Variants in FAM124B observed in about 807,000 individuals in gnomAD.
The protein encoded by FAM124B is protein FAM124B.
FAM124B carries 18 observed loss-of-function variants against 19.7 expected under a neutral mutation model. The ratio of observed to expected loss-of-function variants is 0.92; its 90% confidence interval spans 0.63 to 1.36. FAM124B has a LOEUF of 1.36. Ranked by LOEUF, FAM124B falls within the 40% of genes most tolerant of loss-of-function variation. FAM124B has a pLI of 0.00. For missense variants in FAM124B, 540 were observed against 553.3 expected (o/e 0.98, Z 0.24); for synonymous variants, 223 against 225.2 (o/e 0.99, Z 0.09).
intron 1 of FAM124B, chr2:224,400,481 G>C: frequency 2.9e-6 from 2 of 696,158 alleles, no homozygotes; most frequent in Non-Finnish European, 5.2e-6. Context: ...ACTCGAGTCT[G>C]GGCAACAGAG....
chr2:224,397,212 T>C lies in FAM124B; in HGVS notation c.732+3825A>G, dbSNP rs1217700713. 2.0e-5 allele frequency among the ~76,000 whole-genome samples: 3 copies of C among 152,276 alleles called. No homozygotes were observed. In the East Asian group the frequency reaches 5.8e-4, roughly 29 times the overall value. On this transcript the variant is annotated intron_variant, in intron 1 of 1. Transcript: ENST00000409685. Reference sequence around the variant, plus strand: ...GGTCTTTCCTGTGCTGTTCTCGTGATAGAGAATGAGTCTCATGAGATCTGA... The same window carrying C: ...GGTCTTTCCTGTGCTGTTCTCGTGACAGAGAATGAGTCTCATGAGATCTGA...
intron 1 of FAM124B, among the ~76,000 whole-genome samples, chr2:224,388,718 G>A (rs1267630010): frequency 6.6e-6 from 1 of 152,172 alleles, no homozygotes; most frequent in Non-Finnish European, 1.5e-5. Context: ...GATGGTAAAT[G>A]TATTGTTATG....
intron 1 of FAM124B, among the ~76,000 whole-genome samples, chr2:224,394,886 G>A (rs1689945674): frequency 6.6e-6 from 1 of 152,164 alleles, no homozygotes. Context: ...GCCTGGTACT[G>A]CAGGCGCTTG....
intron 1 of FAM124B, 41 bp downstream of exon 1, chr2:224,400,996 C>T (rs1358031405): frequency 7.8e-6 from 12 of 1,544,038 alleles, no homozygotes; most frequent in Non-Finnish European, 1.0e-5. Flanking sequence ...AATTACACAG[C>T]TCCATGAGCC....
At chr2:224,381,437 C>CAG (rs899112976) in intron 1 of FAM124B, among the ~76,000 whole-genome samples, 1 of 150,434 alleles carries the variant, frequency 6.6e-6, no homozygotes, top group Non-Finnish European at 1.5e-5. Context: ...GCCTGGGTGA[C>CAG]AGAGAGAGAC....
chr2:224,394,723 A>G (rs999661363), intron 1 of FAM124B, among the ~76,000 whole-genome samples: 2 of 152,000 alleles, frequency 1.3e-5, no homozygotes, highest in African/African-American at 4.8e-5. Context: ...ACTCCTTTGA[A>G]CTCTCCAGCC....
chr2:224,400,360 G>T (rs1349709396), intron 1 of FAM124B: 5 of 637,130 alleles, frequency 7.8e-6, no homozygotes, highest in Non-Finnish European at 1.4e-5. Context: ...AAATAAAATA[G>T]CCAGACATGG....
intron 1 of FAM124B, among the ~76,000 whole-genome samples, chr2:224,382,606 T>C (rs1050816978): frequency 2.6e-5 from 4 of 152,028 alleles, no homozygotes; most frequent in African/African-American, 9.7e-5. Context: ...ATGAGGTTTC[T>C]CCATATTGGT....
intron 1 of FAM124B, among the ~76,000 whole-genome samples, chr2:224,397,015 TTAGGC>T (rs1264623551): frequency 1.3e-5 from 2 of 152,198 alleles, no homozygotes; most frequent in Admixed American, 6.5e-5. Context: ...CCAAGGAAGT[TTAGGC>T]TGGATTTTCT....
At chr2:224,388,942 A>G (rs1689839951) in intron 1 of FAM124B, among the ~76,000 whole-genome samples, 1 of 151,748 alleles carries the variant, frequency 6.6e-6, no homozygotes, top group African/African-American at 2.4e-5. Context: ...TCTTTTTTTT[A>G]TTATTTTTGA....
At chr2:224,395,231 G>A (rs1224530814) in intron 1 of FAM124B, among the ~76,000 whole-genome samples, 1 of 152,034 alleles carries the variant, frequency 6.6e-6, no homozygotes, top group Non-Finnish European at 1.5e-5. Context: ...AGGTGAATCA[G>A]GGGAGAAGAG....
chr2:224,385,616 C>T (rs1005619173), intron 1 of FAM124B, among the ~76,000 whole-genome samples: 3 of 152,160 alleles, frequency 2.0e-5, no homozygotes, highest in African/African-American at 7.2e-5. Flanking sequence ...TCTACCTATC[C>T]AACTGCCTTC....
chr2:224,399,036 G>A (rs1203346230), intron 1 of FAM124B, among the ~76,000 whole-genome samples: 1 of 152,186 alleles, frequency 6.6e-6, no homozygotes, highest in African/African-American at 2.4e-5. Context: ...CCAGGCTCCT[G>A]GGACAATCCA....
intron 1 of FAM124B, among the ~76,000 whole-genome samples, chr2:224,391,303 T>G (rs1689883726): frequency 6.9e-6 from 1 of 144,034 alleles, no homozygotes; most frequent in African/African-American, 2.6e-5. Flanking sequence ...ATCACACCAC[T>G]GCACTCCAGT....
At position 224,401,737 on chromosome 2, in the gene FAM124B, G is replaced by A; in HGVS notation, c.32C>T (p.Thr11Ile). 2 of 1,613,812 alleles carry A rather than the reference G, an allele frequency of 1.2e-6. No individual in the cohort carries two copies. The highest frequency in any genetic ancestry group is 1.1e-5 in the South Asian group (1 of 91,080). The change falls in exon 1 of 2, where the codon ACT becomes ATT. Residue 11 changes from threonine to isoleucine, a missense_variant. Coordinates refer to ENST00000409685, the MANE Select transcript of FAM124B (RefSeq NM_001122779.2). MDETQGPLAM[T>I]VHLLANSGHG... ...CCCAGAGTTGGCAAGAAGATGGACA[G>A]TCATGGCCAGAGGCCCCTGTGTCTC...
In FAM124B at chr2:224,379,577, A is replaced by G. The variant is rs1263516257; in HGVS notation, c.1364T>C (p.Ile455Thr). Residue 455 changes from isoleucine to threonine, a missense_variant, in exon 2 of 2, where the codon ATA becomes ACA. Physicochemically the swap from Ile to Thr is moderately conservative, Grantham distance 89. Coordinates refer to ENST00000409685, the MANE Select transcript of FAM124B (RefSeq NM_001122779.2). ...GAAAACCACATTTATTTTATGCTAT[A>G]TAAAGAATTCTTCTTCATCTTCTTC... is the stretch of plus-strand genomic sequence containing the variant. ...EKEEDEEEFFI is the reference protein window; with the variant it reads ...EKEEDEEEFFT 3 of 1,535,676 alleles carry G rather than the reference A, an allele frequency of 2.0e-6. No individual in the cohort carries two copies. Among genetic ancestry groups the G allele is most frequent in the Non-Finnish European group, 1.8e-6 (2 of 1,140,142 alleles).
chr2:224,401,157 C>G lies in FAM124B; in HGVS notation c.612G>C (p.Val204=). Residue 204 remains valine (V), a synonymous_variant, in exon 1 of 2, where the codon GTG becomes GTC. Transcript: ENST00000409685. The part of the protein sequence containing the change: ...GMSVDPKESS[V]LQFKVQEIGQ... ...CGATCTCTTGAACCTTAAACTGCAG[C>G]ACCGAAGACTCTTTGGGGTCCACTG... is the stretch of plus-strand genomic sequence containing the variant. 6.2e-7 allele frequency: 1 copy of G among 1,614,164 alleles called. No homozygotes were observed. The highest frequency in any genetic ancestry group is 8.5e-7 in the Non-Finnish European group (1 of 1,180,040).
intron 1 of FAM124B, among the ~76,000 whole-genome samples, chr2:224,382,826 T>C (rs1481210971): frequency 6.6e-6 from 1 of 152,114 alleles, no homozygotes; most frequent in African/African-American, 2.4e-5. Context: ...CCCTCTCTAG[T>C]TCCCCAGGGC....
intron 1 of FAM124B, among the ~76,000 whole-genome samples, chr2:224,391,223 T>C (rs187184175): frequency 2.0e-3 from 298 of 150,414 alleles, no homozygotes; most frequent in African/African-American, 6.9e-3. Context: ...CACCTATAGT[T>C]CCAGCTACTG....
Sources: gnomAD v4.1 joint callset for allele counts (sites outside exome capture counted in the v4.1 genomes callset) on GRCh38, gnomAD v4.1.1 for gene constraint, MANE v1.5 for transcripts, NCBI Gene and HGNC (gene_info 2026-07-23, HGNC 2026-07-21) for gene names.